The following VTI1A variants were observed in gnomAD, a reference collection of about 807,000 sequenced individuals.
The protein encoded by VTI1A is vesicle transport through interaction with t-SNAREs 1A.
In VTI1A, 22 loss-of-function variants were observed where a neutral mutation model predicts 34.9. The observed-to-expected ratio is 0.63, with a 90% CI of 0.45 to 0.90. VTI1A has a LOEUF of 0.90. VTI1A is among the 40% of genes least tolerant of loss of function. The probability of loss-of-function intolerance (pLI) is 0.00; values close to 1 mark genes in which losing one functional copy is unlikely to be tolerated. For missense variants in VTI1A, 268 were observed against 275.6 expected, an observed-to-expected ratio of 0.97 and a Z score of 0.20; for synonymous variants, 87 against 97.3, an observed-to-expected ratio of 0.89 and a Z score of 0.62.
chr10:112,715,527 A>G (rs1849577452), intron 7 of VTI1A, among the ~76,000 whole-genome samples: 1 of 152,168 alleles, frequency 6.6e-6, no homozygotes, highest in African/African-American at 2.4e-5. Flanking sequence ...AACTGGGAGG[A>G]CAGTAAACGG....
chr10:112,498,482 T>C (rs906270986), intron 3 of VTI1A, among the ~76,000 whole-genome samples: 1 of 152,004 alleles, frequency 6.6e-6, no homozygotes, highest in African/African-American at 2.4e-5. Context: ...ATGAGCTCAA[T>C]GGGATTTCCT....
the VTI1A span, chr10:112,824,591 T>C: frequency 6.6e-6 from 1 of 152,316 alleles, no homozygotes; most frequent in African/African-American, 2.4e-5. Context: ...CACTTCTGGG[T>C]CCAGATGGCT....
chr10:112,801,625 A>G (rs1341037706), intron 7 of VTI1A, among the ~76,000 whole-genome samples: 1 of 152,178 alleles, frequency 6.6e-6, no homozygotes, highest in Non-Finnish European at 1.5e-5. Flanking sequence ...GAATCTTTCT[A>G]TAGTGTATCC....
chr10:112,757,806 A>G (rs922451246), intron 7 of VTI1A, among the ~76,000 whole-genome samples: 1 of 152,228 alleles, frequency 6.6e-6, no homozygotes, highest in Non-Finnish European at 1.5e-5. Context: ...CCACCCAAAG[A>G]TACCCATTCT....
At chr10:112,616,742 G>A (rs1845525486) in intron 5 of VTI1A, among the ~76,000 whole-genome samples, 2 of 152,164 alleles carry the variant, frequency 1.3e-5, no homozygotes, top group Admixed American at 1.3e-4. Flanking sequence ...TGGCCATAAG[G>A]AACCATACAG....
chr10:112,843,109 G>T, the VTI1A span, among the ~76,000 whole-genome samples: 1 of 152,244 alleles, frequency 6.6e-6, no homozygotes, highest in African/African-American at 2.4e-5. Flanking sequence ...CATGGGTCAA[G>T]CTGCAGCTGC....
chr10:112,595,774 A>G (rs962424985), intron 5 of VTI1A, among the ~76,000 whole-genome samples: 3 of 151,184 alleles, frequency 2.0e-5, no homozygotes, highest in South Asian at 2.1e-4. Context: ...GGGATCTAGA[A>G]CTAGAAATAC....
At chr10:112,693,782 T>G (rs1048414607) in intron 7 of VTI1A, among the ~76,000 whole-genome samples, 4 of 152,214 alleles carry the variant, frequency 2.6e-5, no homozygotes, top group African/African-American at 9.7e-5. Context: ...AAGATAAATA[T>G]GCACTTGGAG....
intron 5 of VTI1A, among the ~76,000 whole-genome samples, chr10:112,556,199 GTC>G (rs1851538677): frequency 6.6e-6 from 1 of 151,908 alleles, no homozygotes; most frequent in African/African-American, 2.4e-5. Context: ...TCTTATGTGA[GTC>G]TGAATCGTAG....
intron 3 of VTI1A, among the ~76,000 whole-genome samples, chr10:112,494,631 C>T (rs11195975): frequency 0.016 from 2,474 of 152,292 alleles, 30 homozygotes; most frequent in Non-Finnish European, 0.023. Flanking sequence ...GCCTCAGCCT[C>T]CCGAGTAGCT....
chr10:112,672,637 C>G (rs1179033155), intron 7 of VTI1A: 1 of 152,118 alleles, frequency 6.6e-6, no homozygotes, highest in African/African-American at 2.4e-5. Flanking sequence ...AATTGGCTGT[C>G]TTAAAGTGTC....
the VTI1A span, among the ~76,000 whole-genome samples, chr10:112,830,845 ATATATT>A: frequency 1.4e-4 from 6 of 42,032 alleles, no homozygotes; most frequent in Non-Finnish European, 2.8e-4. Context: ...ATATATATAT[ATATATT>A]TTTTTTTTTT....
At chr10:112,834,233 G>A in the VTI1A span, among the ~76,000 whole-genome samples, 7 of 152,040 alleles carry the variant, frequency 4.6e-5, no homozygotes, top group Admixed American at 2.6e-4. Context: ...CCACACCCCC[G>A]CCCCAGTCTC....
rs74158729 is a variant in VTI1A at position 112,473,543 on chromosome 10, A to T, written c.264+8886A>T. ...TTTTGTTGAATCCTAATATATTTCCATTTACCTCCTCTATCATTTATTGTG... is the reference window on the plus strand; with the variant it reads ...TTTTGTTGAATCCTAATATATTTCCTTTTACCTCCTCTATCATTTATTGTG... On this transcript the variant is annotated intron_variant, in intron 3 of 7. Coordinates refer to ENST00000393077, the MANE Select transcript of VTI1A (RefSeq NM_145206.4). 9.0e-3 allele frequency among the ~76,000 whole-genome samples: 1,372 copies of T among 152,136 alleles called. 19 individuals carry two copies. Among genetic ancestry groups the T allele is most frequent in the African/African-American group, 0.031 (1,272 of 41,504 alleles).
At chr10:112,638,788 C>T (rs1182455527) in intron 5 of VTI1A, among the ~76,000 whole-genome samples, 1 of 142,614 alleles carries the variant, frequency 7.0e-6, no homozygotes, top group African/African-American at 2.6e-5. Context: ...ATTACCATTT[C>T]CTTCTGGCTT....
chr10:112,700,135 A>AC (rs1848955364), intron 7 of VTI1A, among the ~76,000 whole-genome samples: 1 of 138,496 alleles, frequency 7.2e-6, no homozygotes, highest in African/African-American at 3.3e-5. Flanking sequence ...AAAAAAAAAA[A>AC]CAAAACAAAA....
chr10:112,784,687 G>T (rs2134044381), intron 7 of VTI1A, among the ~76,000 whole-genome samples: 1 of 152,254 alleles, frequency 6.6e-6, no homozygotes, highest in East Asian at 1.9e-4. Flanking sequence ...CTTCATTCTT[G>T]TCTACAAACG....
At chr10:112,627,572 T>C (rs1845970442) in intron 5 of VTI1A, among the ~76,000 whole-genome samples, 1 of 152,208 alleles carries the variant, frequency 6.6e-6, no homozygotes, top group African/African-American at 2.4e-5. Flanking sequence ...ATTTAAGCTT[T>C]GAGGGTTTCT....
intron 7 of VTI1A, among the ~76,000 whole-genome samples, chr10:112,695,173 A>G (rs1848737788): frequency 6.6e-6 from 1 of 152,132 alleles, no homozygotes; most frequent in Non-Finnish European, 1.5e-5. Flanking sequence ...CATAGTACCT[A>G]CCTTGAACTT....
Sources: allele counts gnomAD v4.1 joint callset (sites outside exome capture counted in the v4.1 genomes callset), GRCh38; gene constraint gnomAD v4.1.1; transcripts MANE v1.5; gene names NCBI Gene and HGNC (gene_info 2026-07-23, HGNC 2026-07-21).